MZT2B: variants seen among roughly 807,000 people sequenced by gnomAD.
MZT2B encodes mitotic spindle organizing protein 2B.
A neutral mutation model predicts 12.1 loss-of-function variants in MZT2B; 11 were observed. That is an observed-to-expected ratio of 0.91 (90% CI 0.57 to 1.50). The LOEUF (loss-of-function observed/expected upper bound fraction) is 1.50. Ranked by LOEUF, MZT2B falls within the 40% of genes most tolerant of loss-of-function variation. The pLI, the probability that MZT2B is intolerant of heterozygous loss-of-function variation, is 0.00. For synonymous variants in MZT2B, 85 were observed against 109.5 expected (o/e 0.78, Z 1.40); for missense variants, 209 against 227.7 (o/e 0.92, Z 0.53).
intron 2 of MZT2B, among the ~76,000 whole-genome samples, chr2:130,186,161 C>T (rs1234121437): frequency 2.0e-5 from 3 of 151,630 alleles, no homozygotes; most frequent in Admixed American, 6.6e-5. Flanking sequence ...TGGAGTGATC[C>T]GGCTGGGGGG....
the MZT2B span, chr2:130,198,343 T>G: frequency 1.5e-6 from 2 of 1,351,988 alleles, 1 homozygote; most frequent in African/African-American, 3.1e-5. Context: ...GGGGCGGGAG[T>G]GACCCGGGTC....
downstream of MZT2B, chr2:130,190,740 C>A: frequency 2.3e-6 from 3 of 1,279,850 alleles, no homozygotes; most frequent in Non-Finnish European, 3.0e-6. Context: ...TGTTGTCTAC[C>A]GTTTTTTTTT....
At chr2:130,189,722 A>G (rs544305647) in intron 2 of MZT2B, among the ~76,000 whole-genome samples, 1 of 152,226 alleles carries the variant, frequency 6.6e-6, no homozygotes, top group African/African-American at 2.4e-5. Flanking sequence ...GGTCTGGCCC[A>G]AGTGTGGTTG....
the MZT2B span, among the ~76,000 whole-genome samples, chr2:130,203,048 C>CTTTTTTTTTTTTTTTTTTTT: frequency 2.5e-5 from 3 of 118,528 alleles, no homozygotes; most frequent in African/African-American, 6.0e-5. Flanking sequence ...TTTCTTTTTT[C>CTTTTTTTTTTTTTTTTTTTT]TTTTTTTTTT....
chr2:130,187,664 G>A (rs1212063143), intron 2 of MZT2B, among the ~76,000 whole-genome samples: 1 of 152,172 alleles, frequency 6.6e-6, no homozygotes, highest in Non-Finnish European at 1.5e-5. Flanking sequence ...TCCCGAGGGA[G>A]CAGGGCTAAG....
chr2:130,181,691 G>C (rs1302510698), upstream of MZT2B: 3 of 1,548,372 alleles, frequency 1.9e-6, no homozygotes, highest in Admixed American at 5.9e-5. Flanking sequence ...CGTGCGCAAA[G>C]CGAAGGCCGG....
At chr2:130,202,496 G>T in the MZT2B span, 18 of 1,273,698 alleles carry the variant, frequency 1.4e-5, no homozygotes, top group Non-Finnish European at 1.8e-5. Flanking sequence ...AGTTTTGTAA[G>T]GTTCATTTCA....
At chr2:130,201,768 CAG>C in the MZT2B span, among the ~76,000 whole-genome samples, 1 of 152,198 alleles carries the variant, frequency 6.6e-6, no homozygotes, top group African/African-American at 2.4e-5. Context: ...GAGAACATCA[CAG>C]AGTGTTCTTA....
chr2:130,182,527 C>G (rs1689769579), intron 1 of MZT2B, 75 bp downstream of exon 1: 1 of 1,547,580 alleles, frequency 6.5e-7, no homozygotes, highest in Non-Finnish European at 8.7e-7. Flanking sequence ...GCCCGGCCCG[C>G]TGGTCGGGAG....
rs1027104218 is a variant in MZT2B at position 130,182,415 on chromosome 2, C to T, written c.133C>T (p.Gln45Ter). The T allele has an allele frequency of 9.6e-6, 15 of 1,565,108 alleles. No homozygotes were observed. Among genetic ancestry groups the T allele is most frequent in the African/African-American group, 6.8e-5 (5 of 73,734 alleles). ...GGAGATGGAGCTGTACGAGCTGGCG[C>T]AGGCGGCGGGCGGCGCTATCGACCC... ...TEEMELYELA[Q>*]AAGGAIDPDV... The change falls in exon 1 of 3, where the codon CAG (glutamine) becomes TAG (stop). Residue 45 changes from glutamine (Q) to a stop codon, truncating the protein, a stop_gained. Coordinates refer to ENST00000281871, the MANE Select transcript of MZT2B (RefSeq NM_025029.5). LOFTEE classifies it high-confidence loss of function.
At chr2:130,202,501 A>T in the MZT2B span, 130 of 1,268,908 alleles carry the variant, frequency 1.0e-4, no homozygotes, top group Middle Eastern at 8.7e-4. Context: ...TGTAAGGTTC[A>T]TTTCATACAG....
chr2:130,198,206 A>G, the MZT2B span: 521 of 916,210 alleles, frequency 5.7e-4, 100 homozygotes, highest in African/African-American at 8.5e-3. Context: ...CAGATCCAGG[A>G]AACGATCCCG....
At chr2:130,202,915 A>G in the MZT2B span, among the ~76,000 whole-genome samples, 2 of 152,204 alleles carry the variant, frequency 1.3e-5, no homozygotes, top group Admixed American at 6.5e-5. Context: ...AAAAGAGGAC[A>G]TATGTTAAAA....
chr2:130,193,302 A>G (rs1468578865), downstream of MZT2B, among the ~76,000 whole-genome samples: 2 of 152,028 alleles, frequency 1.3e-5, no homozygotes, highest in Non-Finnish European at 2.9e-5. Context: ...GTGATGACTC[A>G]GAAAGAGTTC....
chr2:130,183,302 C>T (rs549475183), intron 2 of MZT2B: 83 of 278,054 alleles, frequency 3.0e-4, no homozygotes, highest in South Asian at 2.6e-3. Flanking sequence ...CTTTACCCCA[C>T]CTGGGCCCAG....
intron 2 of MZT2B, chr2:130,184,124 C>G: frequency 5.3e-6 from 8 of 1,517,970 alleles, no homozygotes; most frequent in Non-Finnish European, 7.1e-6. Context: ...ATTTCTGACT[C>G]GGTTTATTAG....
chr2:130,181,768 C>T, upstream of MZT2B: 1 of 1,548,070 alleles, frequency 6.5e-7, no homozygotes, highest in Non-Finnish European at 8.7e-7. Context: ...CTGAATGCGC[C>T]TGCGTTGTGG....
chr2:130,186,146 G>A (rs1351252034), intron 2 of MZT2B, among the ~76,000 whole-genome samples: 1 of 151,916 alleles, frequency 6.6e-6, no homozygotes, highest in Admixed American at 6.6e-5. Context: ...CATAAGGGGG[G>A]TTGTTGGAGT....
chr2:130,182,307 G>A lies in MZT2B; in HGVS notation c.25G>A (p.Gly9Arg), dbSNP rs1160394549. Residue 9 changes from glycine to arginine, a missense_variant, in exon 1 of 3, where the codon GGG becomes AGG. Physicochemically the swap from Gly to Arg is moderately radical, Grantham distance 125 (BLOSUM62 -2). Transcript: ENST00000281871. MAAQGVGP[G>R]PGSAAPPGLE... Reference sequence around the variant, plus strand: ...GATGGCGGCGCAGGGCGTAGGGCCTGGGCCGGGGTCGGCGGCGCCCCCGGG... The same window carrying A: ...GATGGCGGCGCAGGGCGTAGGGCCTAGGCCGGGGTCGGCGGCGCCCCCGGG... 1.3e-6 allele frequency: 2 copies of A among 1,507,822 alleles called. No homozygotes were observed. Among genetic ancestry groups the A allele is most frequent in the Non-Finnish European group, 1.8e-6 (2 of 1,134,946 alleles). The allele number at this position is 1,507,822 out of a possible 1,614,324, so 93.4% of individuals were successfully genotyped here.
Sources: gnomAD v4.1 joint callset for allele counts (sites outside exome capture counted in the v4.1 genomes callset) on GRCh38, gnomAD v4.1.1 for gene constraint, MANE v1.5 for transcripts, NCBI Gene and HGNC (gene_info 2026-07-23, HGNC 2026-07-21) for gene names.